ZNF800: variants seen among roughly 807,000 people sequenced by gnomAD.
ZNF800 encodes zinc finger protein 800.
ZNF800 carries 13 observed loss-of-function variants against 59.5 expected under a neutral mutation model. That is an observed-to-expected ratio of 0.22 (90% CI 0.14 to 0.35). The LOEUF is 0.35. ZNF800 is among the 10% of genes least tolerant of loss of function. ZNF800 has a pLI of 1.00. For missense variants in ZNF800, 621 were observed against 783.7 expected (o/e 0.79, Z 2.48); for synonymous variants, 266 against 265.7 (o/e 1.00, Z -0.01).
At chr7:127,375,083 A>G in intron 4 of ZNF800, 49 bp from the exon 5 acceptor site, 1 of 1,432,934 alleles carries the variant, frequency 7.0e-7, no homozygotes, top group Non-Finnish European at 9.3e-7. Context: ...AGCCTGCTGT[A>G]GCCCTCTAAT....
intron 1 of ZNF800, chr7:127,351,359 T>C (rs1444590404): frequency 6.6e-6 from 1 of 152,250 alleles, no homozygotes; most frequent in Non-Finnish European, 1.5e-5. Context: ...TGAAATGATC[T>C]CTCTTCTGAA....
chr7:127,383,999 C>T (rs1801052875), intron 3 of ZNF800, among the ~76,000 whole-genome samples: 1 of 151,998 alleles, frequency 6.6e-6, no homozygotes, highest in African/African-American at 2.4e-5. Flanking sequence ...CACTGCCTCA[C>T]TTCTTTAGCT....
At chr7:127,384,125 C>A (rs1051925572) in intron 3 of ZNF800, among the ~76,000 whole-genome samples, 1 of 145,320 alleles carries the variant, frequency 6.9e-6, no homozygotes, top group Middle Eastern at 4.0e-3. Flanking sequence ...TTTTTGGAAT[C>A]TTTTTTAATT....
downstream of ZNF800, among the ~76,000 whole-genome samples, chr7:127,345,607 G>A (rs1403979445): frequency 6.6e-6 from 1 of 152,182 alleles, no homozygotes; most frequent in African/African-American, 2.4e-5. Flanking sequence ...CAGTGTGGCT[G>A]CATTCGAGTG....
intron 1 of ZNF800, among the ~76,000 whole-genome samples, chr7:127,354,134 C>A (rs1423046315): frequency 6.6e-6 from 1 of 152,096 alleles, no homozygotes; most frequent in Non-Finnish European, 1.5e-5. Context: ...TCCCTGAAAA[C>A]TTCATCTGCC....
At chr7:127,385,497 T>C (rs1237797621) in intron 3 of ZNF800, among the ~76,000 whole-genome samples, 2 of 152,202 alleles carry the variant, frequency 1.3e-5, no homozygotes, top group Non-Finnish European at 2.9e-5. Context: ...TATTATCAGC[T>C]AATGAAAATA....
intron 3 of ZNF800, among the ~76,000 whole-genome samples, chr7:127,382,686 T>A (rs1052404891): frequency 6.6e-6 from 1 of 152,178 alleles, no homozygotes; most frequent in Admixed American, 6.5e-5. Flanking sequence ...AAATGAGGCA[T>A]CTATCTATGG....
At chr7:127,366,985 G>A (rs544932975), downstream of ZNF800, among the ~76,000 whole-genome samples, 46 of 152,242 alleles carry the variant, frequency 3.0e-4, no homozygotes, top group South Asian at 8.9e-3. Flanking sequence ...AGGGTGGAAC[G>A]AGGCAGTTAA....
chr7:127,355,171 A>G (rs1478591483), intron 1 of ZNF800, among the ~76,000 whole-genome samples: 1 of 152,098 alleles, frequency 6.6e-6, no homozygotes, highest in African/African-American at 2.4e-5. Flanking sequence ...TCTTCTAAAA[A>G]TCATCCATAA....
In ZNF800 at chr7:127,392,105, A is replaced by C; in HGVS notation, c.-104T>G. On this transcript the variant is annotated 5_prime_UTR_variant, in exon 1 of 6. Transcript: ENST00000265827. ...GCGGGCGGGCGGAAGGAAGGAAGGCAGGCCGGGCGGCCGCGGGGACAGCCT... is the reference window on the plus strand; with the variant it reads ...GCGGGCGGGCGGAAGGAAGGAAGGCCGGCCGGGCGGCCGCGGGGACAGCCT... The C allele has an allele frequency of 2.5e-6, 1 of 392,772 alleles. No homozygotes were observed. The highest frequency in any genetic ancestry group is 4.5e-6 in the Non-Finnish European group (1 of 222,492). 24.3% of individuals were successfully genotyped at this position (392,772 alleles called of 1,614,324 possible).
At chr7:127,387,602 T>C (rs1310638123) in intron 2 of ZNF800, among the ~76,000 whole-genome samples, 1 of 152,216 alleles carries the variant, frequency 6.6e-6, no homozygotes, top group Non-Finnish European at 1.5e-5. Context: ...GGCTCAGGCC[T>C]GTAATCCCAG....
At chr7:127,355,180 A>T (rs1394829626) in intron 1 of ZNF800, among the ~76,000 whole-genome samples, 1 of 152,088 alleles carries the variant, frequency 6.6e-6, no homozygotes, top group Non-Finnish European at 1.5e-5. Context: ...AATCATCCAT[A>T]ATCTTTATAA....
intron 2 of ZNF800, among the ~76,000 whole-genome samples, chr7:127,388,017 G>C (rs1314380777): frequency 6.6e-6 from 1 of 151,526 alleles, no homozygotes; most frequent in African/African-American, 2.4e-5. Context: ...TCCAGACCTG[G>C]ACTCTCTGTG....
downstream of ZNF800, among the ~76,000 whole-genome samples, chr7:127,345,304 C>A (rs974289432): frequency 2.0e-5 from 3 of 151,374 alleles, no homozygotes; most frequent in African/African-American, 7.3e-5. Context: ...GACCCCCCCC[C>A]CAAAGGTAAA....
In ZNF800 at chr7:127,374,279, C is replaced by G. The variant is rs201045490; in HGVS notation, c.1057G>C (p.Glu353Gln). 956 of 1,613,700 alleles carry G rather than the reference C, an allele frequency of 5.9e-4. 15 individuals carry two copies. The South Asian group carries it at 9.4e-3, about 16-fold the overall frequency. ...CATTTGCATGCAGTTAAATTGTATT[C>G]AGCCTTTGAAGAAGACTTTTGTTTT... ...TRKQKSSSKA[E>Q]YNLTACKCLL... Residue 353 changes from glutamate (E) to glutamine (Q), a missense_variant, in exon 5 of 6, where the codon GAA becomes CAA. By Grantham distance (29) the Glu-to-Gln change is conservative (BLOSUM62 2). Coordinates refer to ENST00000265827, the MANE Select transcript of ZNF800 (RefSeq NM_176814.5).
chr7:127,367,618 AAACAC>A (rs3216872), downstream of ZNF800, among the ~76,000 whole-genome samples: 8,310 of 152,216 alleles, frequency 0.055, 300 homozygotes, highest in African/African-American at 0.1. Context: ...TCTTTTTTAT[AAACAC>A]AACACTGGTG....
chr7:127,352,052 A>G (rs1032683557), intron 1 of ZNF800, among the ~76,000 whole-genome samples: 4 of 152,370 alleles, frequency 2.6e-5, no homozygotes, highest in Middle Eastern at 3.4e-3. Flanking sequence ...AAGATCACAT[A>G]CAGTCAAAGG....
At chr7:127,380,051 C>G (rs1800929787) in intron 3 of ZNF800, among the ~76,000 whole-genome samples, 1 of 152,022 alleles carries the variant, frequency 6.6e-6, no homozygotes, top group Non-Finnish European at 1.5e-5. Flanking sequence ...TGATCTGACT[C>G]ACTTCTAATA....
In ZNF800 at chr7:127,374,267, T is replaced by C. The variant is rs755723875; in HGVS notation, c.1069A>G (p.Thr357Ala). 1.2e-6 allele frequency: 2 copies of C among 1,614,020 alleles called. No homozygotes were observed. The highest frequency in any genetic ancestry group is 1.7e-6 in the Non-Finnish European group (2 of 1,179,992). ...TTGCAAAGGAGGCATTTGCATGCAG[T>C]TAAATTGTATTCAGCCTTTGAAGAA... is the stretch of plus-strand genomic sequence containing the variant. ...KSSSKAEYNL[T>A]ACKCLLCKRK... The change falls in exon 5 of 6, where the codon ACT becomes GCT. Residue 357 changes from threonine (T) to alanine (A), a missense_variant. By Grantham distance (58) the Thr-to-Ala change is moderately conservative. Coordinates refer to ENST00000265827, the MANE Select transcript of ZNF800 (RefSeq NM_176814.5).
Sources: allele counts gnomAD v4.1 joint callset (sites outside exome capture counted in the v4.1 genomes callset), GRCh38; gene constraint gnomAD v4.1.1; transcripts MANE v1.5; gene names NCBI Gene and HGNC (gene_info 2026-07-23, HGNC 2026-07-21).